Variants in SV2B observed in about 807,000 individuals in gnomAD.
The protein encoded by SV2B is synaptic vesicle glycoprotein 2B, also known as solute carrier family 22 member B2.
Under a neutral mutation model 73.9 loss-of-function variants are expected in SV2B, and 41 were observed. The ratio of observed to expected loss-of-function variants is 0.56; its 90% CI spans 0.43 to 0.72. The LOEUF is 0.72. Ranked by LOEUF, SV2B falls within the 30% of genes least tolerant of loss-of-function variation. The probability of loss-of-function intolerance (pLI) is 0.00; values close to 1 mark genes in which losing one functional copy is unlikely to be tolerated. For missense variants in SV2B, 764 were observed against 857.8 expected (o/e 0.89, Z 1.37); for synonymous variants, 314 against 314.2 (o/e 1.00, Z 0.01).
Position 91,259,360 on chromosome 15 carries a change from C to A in SV2B, c.918+806C>A, listed in dbSNP as rs893388615. On this transcript the variant is annotated intron_variant, in intron 5 of 12. Coordinates refer to ENST00000394232, the MANE Select transcript of SV2B (RefSeq NM_001323032.3). Reference sequence around the variant, plus strand: ...AGAAGCAGGCAGAGGGGCAACAGGACCTTGAGGCTCTTCCAGCCCCAATCT... The same window carrying A: ...AGAAGCAGGCAGAGGGGCAACAGGAACTTGAGGCTCTTCCAGCCCCAATCT... 5.9e-5 allele frequency among the ~76,000 whole-genome samples: 9 copies of A among 152,162 alleles called. No individual in the cohort carries two copies. The South Asian group carries it at 1.0e-3, about 18-fold the overall frequency.
Position 91,109,482 on chromosome 15 carries a change from G to C in SV2B, c.-392+9119G>C, listed in dbSNP as rs573045178. 1.8e-3 allele frequency among the ~76,000 whole-genome samples: 275 copies of C among 152,346 alleles called. 2 individuals are homozygous for C. The highest frequency in any genetic ancestry group is 6.3e-3 in the African/African-American group (260 of 41,582). Reference sequence around the variant, plus strand: ...TTCTGTTTTCATGATCATTTCATGAGAGAAACCTGCAAATGAACACTGCTA... The same window carrying C: ...TTCTGTTTTCATGATCATTTCATGACAGAAACCTGCAAATGAACACTGCTA... On this transcript the variant is annotated intron_variant, in intron 1 of 12. Transcript: ENST00000394232.
chr15:91,284,371 G>T lies in SV2B; in HGVS notation c.1708+150G>T. On this transcript the variant is annotated intron_variant, in intron 11 of 12. Transcript: ENST00000394232. The surrounding 1 kb of genome is among the most constrained non-coding windows in gnomAD (Gnocchi z 4.5). ...TTGCACCCAGGGCTATAGAGCCAAG[G>T]ATGTGTGCCTACAGAAGACTCCAGG... 1 of 839,056 alleles carries T rather than the reference G, an allele frequency of 1.2e-6. No individual in the cohort carries two copies. The highest frequency in any genetic ancestry group is 1.8e-6 in the Non-Finnish European group (1 of 552,114). The allele number at this position is 839,056 out of a possible 1,614,324, so 52.0% of individuals were successfully genotyped here.
rs889232294 is a variant in SV2B, at chr15:91,242,749, A to G, written c.452-9070A>G. 8.5e-5 allele frequency among the ~76,000 whole-genome samples: 13 copies of G among 152,164 alleles called. No individual in the cohort carries two copies. The highest frequency in any genetic ancestry group is 2.7e-4 in the African/African-American group (11 of 41,420). Reference sequence around the variant, plus strand: ...AGATCTGACCCAGGAGTTACCTATTATTTTTTTAAATACGAATACTCACTT... The same window carrying G: ...AGATCTGACCCAGGAGTTACCTATTGTTTTTTTAAATACGAATACTCACTT... On this transcript the variant is annotated intron_variant, in intron 2 of 12. Coordinates refer to ENST00000394232, the MANE Select transcript of SV2B (RefSeq NM_001323032.3). This position sits in a 1 kb window ranked among gnomAD's most constrained non-coding sequence, Gnocchi z 4.9.
intron 6 of SV2B, among the ~76,000 whole-genome samples, chr15:91,264,878 G>A (rs994115332): frequency 6.6e-6 from 1 of 152,106 alleles, no homozygotes; most frequent in African/African-American, 2.4e-5. Context: ...CAGTTACTAA[G>A]CTCTGAGGCA....
At chr15:91,183,296 T>C (rs1405277213) in intron 1 of SV2B, among the ~76,000 whole-genome samples, 2 of 152,228 alleles carry the variant, frequency 1.3e-5, no homozygotes, top group Non-Finnish European at 2.9e-5. Context: ...TTCTCTTGGA[T>C]TACCCAGATA....
At chr15:91,173,000 C>T (rs1254278931) in intron 1 of SV2B, among the ~76,000 whole-genome samples, 1 of 151,434 alleles carries the variant, frequency 6.6e-6, no homozygotes, top group Non-Finnish European at 1.5e-5. Flanking sequence ...GGATACCACA[C>T]TGTGATAAGT....
Position 91,148,768 on chromosome 15 carries a change from A to G in SV2B, c.-392+48405A>G, listed in dbSNP as rs112811309. Among the ~76,000 whole-genome samples, 1,212 of 152,332 alleles carry G rather than the reference A, an allele frequency of 8.0e-3. 20 individuals are homozygous for G. The highest frequency in any genetic ancestry group is 0.028 in the African/African-American group (1,170 of 41,560). On this transcript the variant is annotated intron_variant, in intron 1 of 12. Transcript: ENST00000394232. ...AGCTGATGGTGTAAGGTCCAGTCTG[A>G]GTCCACATCTGAAGGCAGAAGACTG... is the stretch of plus-strand genomic sequence containing the variant.
intron 1 of SV2B, among the ~76,000 whole-genome samples, chr15:91,215,635 T>A (rs2045999808): frequency 6.6e-6 from 1 of 152,220 alleles, no homozygotes; most frequent in Non-Finnish European, 1.5e-5. Flanking sequence ...AAATACATGA[T>A]CTACCTAGCA....
chr15:91,255,577 C>T (rs1486361187), intron 4 of SV2B, among the ~76,000 whole-genome samples: 1 of 152,116 alleles, frequency 6.6e-6, no homozygotes, highest in African/African-American at 2.4e-5. Flanking sequence ...AGAGAACTTA[C>T]TCATGTAACC....
intron 1 of SV2B, among the ~76,000 whole-genome samples, chr15:91,103,262 C>A (rs374391570): frequency 2.6e-5 from 4 of 152,290 alleles, no homozygotes; most frequent in African/African-American, 9.6e-5. Context: ...CACTGTGGAA[C>A]GCAACATTCA....
chr15:91,205,210 T>A (rs1419086233), intron 1 of SV2B, among the ~76,000 whole-genome samples: 3 of 151,970 alleles, frequency 2.0e-5, no homozygotes, highest in Non-Finnish European at 4.4e-5. Flanking sequence ...ACCAAAAAGC[T>A]CAGGATCCAG....
At chr15:91,269,408 G>A (rs555494065) in intron 9 of SV2B, among the ~76,000 whole-genome samples, 2 of 152,336 alleles carry the variant, frequency 1.3e-5, no homozygotes, top group Middle Eastern at 3.4e-3. Context: ...TGAATGGTAA[G>A]TAAATGGGTG....
intron 2 of SV2B, among the ~76,000 whole-genome samples, chr15:91,250,609 T>A (rs1216546318): frequency 2.0e-5 from 3 of 152,090 alleles, no homozygotes; most frequent in Admixed American, 2.0e-4. Flanking sequence ...AATAAACAAA[T>A]TCAGTAAAGG....
intron 2 of SV2B, among the ~76,000 whole-genome samples, chr15:91,228,928 A>T (rs1048992218): frequency 1.3e-5 from 2 of 152,210 alleles, no homozygotes; most frequent in Non-Finnish European, 2.9e-5. Flanking sequence ...CGGTTAGATG[A>T]TCTTTGTCCT....
At position 91,261,612 on chromosome 15, in the gene SV2B, G is replaced by A. The variant is rs12908998; in HGVS notation, c.1008+1203G>A. Reference sequence around the variant, plus strand: ...TAAAAGTGCTGGCTCAGAGAGCTTGGATATTTTTATAGCTCTTGAGATACA... The same window carrying A: ...TAAAAGTGCTGGCTCAGAGAGCTTGAATATTTTTATAGCTCTTGAGATACA... On this transcript the variant is annotated intron_variant, in intron 6 of 12. Coordinates refer to ENST00000394232, the MANE Select transcript of SV2B (RefSeq NM_001323032.3). The surrounding 1 kb of genome is among the most constrained non-coding windows in gnomAD (Gnocchi z 4.7). Among the ~76,000 whole-genome samples, 4,985 of 152,138 alleles carry A rather than the reference G, an allele frequency of 0.033. 126 individuals carry two copies. Among genetic ancestry groups the A allele is most frequent in the Non-Finnish European group, 0.047 (3,169 of 67,994 alleles).
Position 91,105,920 on chromosome 15 carries a change from A to G in SV2B, c.-392+5557A>G, listed in dbSNP as rs938642604. On this transcript the variant is annotated intron_variant, in intron 1 of 12. Coordinates refer to ENST00000394232, the MANE Select transcript of SV2B (RefSeq NM_001323032.3). The surrounding 1 kb of genome is among the most constrained non-coding windows in gnomAD (Gnocchi z 5.5). ...AAAAATTAGCCAGGTGTGGTGGCAC[A>G]TGCCTGTAGCCCTAGCTACTCGGGA... is the stretch of plus-strand genomic sequence containing the variant. Among the ~76,000 whole-genome samples the G allele has an allele frequency of 1.3e-5, 2 of 152,158 alleles. No individual in the cohort carries two copies. Among genetic ancestry groups the G allele is most frequent in the African/African-American group, 4.8e-5 (2 of 41,448 alleles).
chr15:91,193,912 A>G (rs1347692759), intron 1 of SV2B, among the ~76,000 whole-genome samples: 1 of 152,136 alleles, frequency 6.6e-6, no homozygotes, highest in East Asian at 1.9e-4. Context: ...ATAAAGGCTC[A>G]ACGTTTTTAT....
intron 1 of SV2B, among the ~76,000 whole-genome samples, chr15:91,212,236 T>C (rs1410529795): frequency 6.6e-6 from 1 of 152,224 alleles, no homozygotes; most frequent in African/African-American, 2.4e-5. Flanking sequence ...AAAGCAAGAA[T>C]GAAAACTCTC....
chr15:91,282,324 T>G (rs1272817867), intron 10 of SV2B, among the ~76,000 whole-genome samples: 1 of 152,222 alleles, frequency 6.6e-6, no homozygotes, highest in Non-Finnish European at 1.5e-5. Flanking sequence ...GTTCACATTT[T>G]TTGCATAAAG....
Sources: gnomAD v4.1 joint callset for allele counts (sites outside exome capture counted in the v4.1 genomes callset) on GRCh38, gnomAD v4.1.1 for gene constraint, Gnocchi (gnomAD v3.1) non-coding constraint, MANE v1.5 for transcripts, NCBI Gene and HGNC (gene_info 2026-07-23, HGNC 2026-07-21) for gene names.